Variants in PXDNL observed in about 807,000 individuals in gnomAD.
PXDNL encodes the protein peroxidasin like.
Under a neutral mutation model 150.8 loss-of-function variants are expected in PXDNL, and 145 were observed. The observed-to-expected ratio is 0.96, with a 90% CI of 0.84 to 1.10. The LOEUF is 1.10. Among genes scored for constraint, PXDNL ranks in the 50% least tolerant of loss-of-function variants. PXDNL has a pLI of 0.00. For missense variants in PXDNL, 2,087 were observed against 1,873.9 expected (o/e 1.11, Z -2.10); for synonymous variants, 757 against 725.7 (o/e 1.04, Z -0.69).
chr8:51,594,297 A>G (rs1157246507), intron 2 of PXDNL, among the ~76,000 whole-genome samples: 1 of 151,750 alleles, frequency 6.6e-6, no homozygotes. Context: ...CACAGATCAC[A>G]AAAAACAATT....
chr8:51,638,409 T>C (rs1436270087), intron 2 of PXDNL, among the ~76,000 whole-genome samples: 2 of 152,036 alleles, frequency 1.3e-5, no homozygotes, highest in African/African-American at 4.8e-5. Flanking sequence ...GACTGGCAAA[T>C]TGGATAAAGA....
intron 19 of PXDNL, among the ~76,000 whole-genome samples, chr8:51,350,322 C>T (rs1806305357): frequency 1.0e-5 from 1 of 96,136 alleles, no homozygotes; most frequent in African/African-American, 2.9e-5. Context: ...ACTAGCCCTC[C>T]CACCCTAGTC....
intron 1 of PXDNL, among the ~76,000 whole-genome samples, chr8:51,744,963 A>G (rs775238183): frequency 0.74 from 85,092 of 115,196 alleles, 28,906 homozygotes; most frequent in East Asian, 0.89. Context: ...AAAGAAAGAA[A>G]GAAAGAAAGA....
At chr8:51,341,306 T>A (rs909912330) in intron 20 of PXDNL, among the ~76,000 whole-genome samples, 1 of 152,228 alleles carries the variant, frequency 6.6e-6, no homozygotes, top group Admixed American at 6.5e-5. Flanking sequence ...AAAACACACA[T>A]ATTTAATGTA....
intron 4 of PXDNL, 72 bp downstream of exon 4, chr8:51,556,768 A>T: frequency 2.5e-6 from 2 of 796,650 alleles, no homozygotes; most frequent in South Asian, 2.9e-5. Context: ...ACTATCACAT[A>T]ATGGCATTTA....
chr8:51,630,707 A>C (rs1231627094), intron 2 of PXDNL, among the ~76,000 whole-genome samples: 1 of 152,160 alleles, frequency 6.6e-6, no homozygotes, highest in African/African-American at 2.4e-5. Context: ...TCATTAGAGA[A>C]ATGTAAATCA....
At chr8:51,608,098 CAAG>C (rs1563481853) in intron 2 of PXDNL, among the ~76,000 whole-genome samples, 1 of 139,688 alleles carries the variant, frequency 7.2e-6, no homozygotes, top group South Asian at 2.2e-4. Flanking sequence ...AGCAAGCAAG[CAAG>C]CAAGCAAGCC....
intron 17 of PXDNL, among the ~76,000 whole-genome samples, chr8:51,390,501 TATTA>T (rs2130835666): frequency 6.6e-6 from 1 of 152,300 alleles, no homozygotes; most frequent in Admixed American, 6.5e-5. Context: ...TAAGTACAAA[TATTA>T]ATTCATAAAT....
chr8:51,663,707 T>C (rs1382902395), intron 1 of PXDNL, among the ~76,000 whole-genome samples: 1 of 152,108 alleles, frequency 6.6e-6, no homozygotes, highest in East Asian at 1.9e-4. Flanking sequence ...CATACCTGGT[T>C]CTACCAGCAG....
intron 1 of PXDNL, among the ~76,000 whole-genome samples, chr8:51,793,398 T>A (rs2037531499): frequency 6.6e-6 from 1 of 152,000 alleles, no homozygotes; most frequent in Non-Finnish European, 1.5e-5. Flanking sequence ...AACAAAAAAA[T>A]GCTGGTAATT....
chr8:51,711,250 G>T (rs2130899662), intron 1 of PXDNL, among the ~76,000 whole-genome samples: 1 of 152,204 alleles, frequency 6.6e-6, no homozygotes, highest in Non-Finnish European at 1.5e-5. Context: ...GGATTCTCTT[G>T]CCTCAACCTC....
chr8:51,421,756 C>T (rs529941913), intron 14 of PXDNL, among the ~76,000 whole-genome samples: 13 of 152,210 alleles, frequency 8.5e-5, no homozygotes, highest in African/African-American at 2.9e-4. Context: ...AAATATTTGC[C>T]GGTTACTAAA....
At chr8:51,660,331 A>C (rs1000767441) in intron 1 of PXDNL, among the ~76,000 whole-genome samples, 2 of 152,224 alleles carry the variant, frequency 1.3e-5, no homozygotes, top group Non-Finnish European at 2.9e-5. Context: ...ATCAAGTCTG[A>C]ACTTGAGCCC....
At chr8:51,662,738 A>G (rs1815302369) in intron 1 of PXDNL, among the ~76,000 whole-genome samples, 1 of 152,132 alleles carries the variant, frequency 6.6e-6, no homozygotes, top group South Asian at 2.1e-4. Flanking sequence ...TGGGGGTTCC[A>G]GGGACCAATC....
intron 2 of PXDNL, among the ~76,000 whole-genome samples, chr8:51,644,446 A>G (rs1180836432): frequency 1.4e-5 from 2 of 146,758 alleles, no homozygotes; most frequent in African/African-American, 5.0e-5. Context: ...GTGTATATAT[A>G]TATGGGTTGT....
At chr8:51,494,290 T>C (rs541462081) in intron 5 of PXDNL, among the ~76,000 whole-genome samples, 1 of 151,606 alleles carries the variant, frequency 6.6e-6, no homozygotes, top group Non-Finnish European at 1.5e-5. Flanking sequence ...GCACTAAACA[T>C]GGAAAGGAAC....
rs116302337 is a variant in PXDNL at position 51,652,198 on chromosome 8, A to G, written c.236+2491T>C. 1.0e-3 allele frequency among the ~76,000 whole-genome samples: 155 copies of G among 152,232 alleles called. 1 individual carries two copies. Among genetic ancestry groups the G allele is most frequent in the African/African-American group, 3.5e-3 (146 of 41,524 alleles). The stretch of plus-strand genomic sequence containing the variant: ...TTCATATAAGAGCCATATGGTCAAA[A>G]TTTTTAATATTCTTCATGAAAAATT... On this transcript the variant is annotated intron_variant, in intron 2 of 22. Coordinates refer to ENST00000356297, the MANE Select transcript of PXDNL (RefSeq NM_144651.5).
intron 1 of PXDNL, among the ~76,000 whole-genome samples, chr8:51,695,497 C>CGCAT (rs1554567919): frequency 2.0e-5 from 3 of 151,758 alleles, no homozygotes; most frequent in Non-Finnish European, 2.9e-5. Flanking sequence ...CACGCACGCA[C>CGCAT]GCATACTTCT....
chr8:51,602,066 T>C (rs1247782823), intron 2 of PXDNL, among the ~76,000 whole-genome samples: 1 of 151,952 alleles, frequency 6.6e-6, no homozygotes, highest in Non-Finnish European at 1.5e-5. Context: ...CTCTCCTCAC[T>C]TGCAAGGCCG....
Sources: allele counts gnomAD v4.1 joint callset (sites outside exome capture counted in the v4.1 genomes callset), GRCh38; gene constraint gnomAD v4.1.1; transcripts MANE v1.5; gene names NCBI Gene and HGNC (gene_info 2026-07-23, HGNC 2026-07-21).